The following FAF1 variants were observed in gnomAD, a reference collection of about 807,000 sequenced individuals.
FAF1 encodes the protein FAS-associated factor 1.
In FAF1, 25 loss-of-function variants were observed where a neutral mutation model predicts 92.5. That is an observed-to-expected ratio of 0.27 (90% CI 0.20 to 0.38). The LOEUF is 0.38. Ranked by LOEUF, FAF1 falls within the 10% of genes least tolerant of loss-of-function variation. The probability of loss-of-function intolerance (pLI) is 1.00; values close to 1 mark genes in which losing one functional copy is unlikely to be tolerated. For missense variants in FAF1, 636 were observed against 793.3 expected, an observed-to-expected ratio of 0.80 and a Z score of 2.38; for synonymous variants, 234 against 273.2, an observed-to-expected ratio of 0.86 and a Z score of 1.42.
At chr1:50,845,326 C>T (rs1644289373) in intron 2 of FAF1, among the ~76,000 whole-genome samples, 1 of 152,180 alleles carries the variant, frequency 6.6e-6, no homozygotes, top group Admixed American at 6.5e-5. Context: ...CTCTCTGCAA[C>T]CTTGCAGTCT....
chr1:50,814,605 ATAGT>A (rs1643949601), intron 2 of FAF1, among the ~76,000 whole-genome samples: 1 of 152,234 alleles, frequency 6.6e-6, no homozygotes. Context: ...TGCTAAGCGA[ATAGT>A]TAGATACGTA....
At chr1:50,692,016 G>A (rs1304614212) in intron 7 of FAF1, among the ~76,000 whole-genome samples, 1 of 152,152 alleles carries the variant, frequency 6.6e-6, no homozygotes, top group African/African-American at 2.4e-5. Flanking sequence ...AGGTGTATCA[G>A]ACCAGCCTGG....
At chr1:50,931,656 A>T (rs1349435597) in intron 1 of FAF1, among the ~76,000 whole-genome samples, 1 of 152,032 alleles carries the variant, frequency 6.6e-6, no homozygotes, top group Non-Finnish European at 1.5e-5. Flanking sequence ...TCACGAGATC[A>T]GCAGGTTGAG....
intron 7 of FAF1, among the ~76,000 whole-genome samples, chr1:50,689,407 ACC>A (rs1341635823): frequency 2.6e-5 from 4 of 152,030 alleles, no homozygotes; most frequent in African/African-American, 9.7e-5. Context: ...ACACAGTGAA[ACC>A]CCGTCTCTAC....
chr1:50,577,028 C>T (rs1650780466), intron 12 of FAF1, among the ~76,000 whole-genome samples: 1 of 152,018 alleles, frequency 6.6e-6, no homozygotes, highest in South Asian at 2.1e-4. Flanking sequence ...ATGCCTTGGC[C>T]CCCACTGATT....
intron 14 of FAF1, among the ~76,000 whole-genome samples, chr1:50,538,296 T>G (rs993371141): frequency 6.6e-6 from 1 of 151,976 alleles, no homozygotes; most frequent in Non-Finnish European, 1.5e-5. Flanking sequence ...GCAGCAGAAG[T>G]GCTTTACCCA....
chr1:50,572,085 CTCA>C (rs1053438169), intron 12 of FAF1, among the ~76,000 whole-genome samples: 2 of 152,064 alleles, frequency 1.3e-5, no homozygotes, highest in African/African-American at 4.8e-5. Flanking sequence ...CTCCTTTTCC[CTCA>C]TCATTATCAT....
intron 6 of FAF1, among the ~76,000 whole-genome samples, chr1:50,727,662 C>T (rs1045720497): frequency 1.2e-4 from 18 of 152,112 alleles, no homozygotes; most frequent in Admixed American, 1.1e-3. Flanking sequence ...AGTATTGCTC[C>T]CTTGACTGAA....
intron 1 of FAF1, among the ~76,000 whole-genome samples, chr1:50,952,477 G>A (rs1208613540): frequency 2.0e-5 from 3 of 152,172 alleles, no homozygotes; most frequent in South Asian, 2.1e-4. Context: ...CCTCCCAGCC[G>A]CCTGCCTTGG....
chr1:50,804,358 T>A (rs1267713716), intron 2 of FAF1, among the ~76,000 whole-genome samples: 4 of 152,182 alleles, frequency 2.6e-5, no homozygotes, highest in African/African-American at 9.6e-5. Context: ...CTCACTCAGC[T>A]ATCTTCTTTG....
At chr1:50,539,207 T>C (rs528768023) in intron 14 of FAF1, among the ~76,000 whole-genome samples, 3 of 152,200 alleles carry the variant, frequency 2.0e-5, no homozygotes, top group Non-Finnish European at 4.4e-5. Flanking sequence ...CAATATACAG[T>C]GACTGGATTT....
intron 2 of FAF1, among the ~76,000 whole-genome samples, chr1:50,847,289 A>G (rs1171136645): frequency 6.6e-6 from 1 of 152,184 alleles, no homozygotes; most frequent in Non-Finnish European, 1.5e-5. Context: ...AGACTGAGAT[A>G]GGACACAGAT....
intron 15 of FAF1, among the ~76,000 whole-genome samples, chr1:50,518,744 G>A (rs12129133): frequency 1.3e-5 from 2 of 152,086 alleles, no homozygotes; most frequent in South Asian, 4.1e-4. Flanking sequence ...CCAGCCACAA[G>A]TTTTTGTGTG....
At chr1:50,620,999 G>A (rs892841438) in intron 8 of FAF1, among the ~76,000 whole-genome samples, 5 of 152,308 alleles carry the variant, frequency 3.3e-5, no homozygotes, top group South Asian at 2.1e-4. Context: ...GAGATATGCC[G>A]CACACTTTCC....
At chr1:50,779,164 C>T (rs972724185) in intron 4 of FAF1, among the ~76,000 whole-genome samples, 2 of 152,192 alleles carry the variant, frequency 1.3e-5, no homozygotes, top group Non-Finnish European at 2.9e-5. Context: ...CTTCAGGCTC[C>T]TCTTCTAATT....
chr1:50,687,355 CAAA>C (rs78325708), intron 7 of FAF1, among the ~76,000 whole-genome samples: 2 of 83,784 alleles, frequency 2.4e-5, no homozygotes, highest in African/African-American at 4.2e-5. Context: ...TTTTATCAAT[CAAA>C]AAAAAAAAAA....
chr1:50,669,244 T>C (rs1226629244), intron 7 of FAF1, among the ~76,000 whole-genome samples: 1 of 152,088 alleles, frequency 6.6e-6, no homozygotes, highest in Non-Finnish European at 1.5e-5. Flanking sequence ...TGTCATGCTA[T>C]AGAACCAAGA....
intron 1 of FAF1, among the ~76,000 whole-genome samples, chr1:50,958,374 C>T (rs1378630076): frequency 6.6e-6 from 1 of 152,008 alleles, no homozygotes; most frequent in Non-Finnish European, 1.5e-5. Flanking sequence ...GTTATCTGAA[C>T]GTTAATTTGT....
At chr1:50,751,923 C>G (rs1301238284) in intron 4 of FAF1, among the ~76,000 whole-genome samples, 3 of 152,150 alleles carry the variant, frequency 2.0e-5, no homozygotes, top group Non-Finnish European at 2.9e-5. Context: ...CAGAATTCAC[C>G]AGAAAAGCCA....
Sources: allele counts gnomAD v4.1 joint callset (sites outside exome capture counted in the v4.1 genomes callset), GRCh38; gene constraint gnomAD v4.1.1; transcripts MANE v1.5; gene names NCBI Gene and HGNC (gene_info 2026-07-23, HGNC 2026-07-21).